LARP4B: variants seen among roughly 807,000 people sequenced by gnomAD.
LARP4B encodes La ribonucleoprotein 4B.
In LARP4B, 12 loss-of-function variants were observed where a neutral mutation model predicts 89.8. The observed-to-expected ratio is 0.13, with a 90% CI of 0.09 to 0.22. The LOEUF (loss-of-function observed/expected upper bound fraction) is 0.22. Among genes scored for constraint, LARP4B ranks in the 10% least tolerant of loss-of-function variants. The pLI is 1.00. For synonymous variants in LARP4B, 367 were observed against 363.3 expected (o/e 1.01, Z -0.12); for missense variants, 757 against 947.7 (o/e 0.80, Z 2.64).
chr10:898,086 T>C (rs564984931), intron 1 of LARP4B, among the ~76,000 whole-genome samples: 1 of 150,796 alleles, frequency 6.6e-6, no homozygotes, highest in Non-Finnish European at 1.5e-5. Flanking sequence ...GAAAAGATCG[T>C]CCACATCATT....
chr10:926,475 C>A (rs750859705), intron 1 of LARP4B, among the ~76,000 whole-genome samples: 2 of 152,048 alleles, frequency 1.3e-5, no homozygotes, highest in Non-Finnish European at 2.9e-5. Context: ...AAAGGTGGGG[C>A]AGGGCAAGAA....
At chr10:983,731 G>A in the LARP4B span, among the ~76,000 whole-genome samples, 1 of 152,150 alleles carries the variant, frequency 6.6e-6, no homozygotes, top group Non-Finnish European at 1.5e-5. Flanking sequence ...CTGGGAGACA[G>A]GGCTTTCACG....
Position 812,849 on chromosome 10 carries a change from C to T in LARP4B, c.*77G>A, listed in dbSNP as rs1479461469. The T allele has an allele frequency of 5.3e-6, 7 of 1,315,038 alleles. No homozygotes were observed. Among genetic ancestry groups the T allele is most frequent in the African/African-American group, 1.5e-5 (1 of 66,104 alleles). The allele number at this position is 1,315,038 out of a possible 1,614,324, so 81.5% of individuals were successfully genotyped here. A position where few individuals can be genotyped will look rare whatever the true frequency, so the allele number is the denominator to read the frequency against. ...CACTGCAAGCTCCTAACCAGCGGCT[C>T]GCCCTCGCACTGAGTGGGAGAGTGT... On this transcript the variant is annotated 3_prime_UTR_variant, in exon 18 of 18. Transcript: ENST00000316157.
the LARP4B span, among the ~76,000 whole-genome samples, chr10:977,718 TC>T: frequency 3.9e-5 from 6 of 152,212 alleles, no homozygotes; most frequent in African/African-American, 1.4e-4. Flanking sequence ...GTATTATAAA[TC>T]ACCTAGAGAT....
chr10:853,950 C>T (rs1437861101), intron 5 of LARP4B, among the ~76,000 whole-genome samples: 2 of 152,200 alleles, frequency 1.3e-5, no homozygotes, highest in Non-Finnish European at 2.9e-5. Context: ...GGACTTCTTT[C>T]AAAATTAGTC....
chr10:808,222 T>A (rs1831620451), downstream of LARP4B: 1 of 152,234 alleles, frequency 6.6e-6, no homozygotes, highest in African/African-American at 2.4e-5. Context: ...CAGGGTTTGT[T>A]ATGTGGCAAC....
intron 1 of LARP4B, among the ~76,000 whole-genome samples, chr10:918,626 C>T (rs1048834497): frequency 3.8e-5 from 5 of 131,240 alleles, no homozygotes; most frequent in African/African-American, 1.5e-4. Context: ...GAGTGAGACC[C>T]TGTCTCAAAA....
chr10:844,884 T>C, intron 6 of LARP4B, 93 bp downstream of exon 6: 1 of 864,116 alleles, frequency 1.2e-6, no homozygotes, highest in Admixed American at 2.4e-5. Context: ...TATGAGTAGA[T>C]ACTCCTTCAT....
At chr10:941,418 ATTCTCCTTCCTCAGCC>A in the LARP4B span, among the ~76,000 whole-genome samples, 1 of 152,036 alleles carries the variant, frequency 6.6e-6, no homozygotes, top group African/African-American at 2.4e-5. Flanking sequence ...GGTTCAAGCG[ATTCTCCTTCCTCAGCC>A]TCCTGAGTAG....
intron 1 of LARP4B, among the ~76,000 whole-genome samples, chr10:927,561 A>G (rs2132063928): frequency 6.6e-6 from 1 of 152,206 alleles, no homozygotes; most frequent in East Asian, 1.9e-4. Context: ...AAAAGTTTAA[A>G]CTGAACTAAA....
At position 915,372 on chromosome 10, in the gene LARP4B, TATA is replaced by T. The variant is rs577177012; in HGVS notation, c.-40+16053_-40+16055del. ...TTTTCTCTTTTGAACAAGATGTTCA[TATA>T]ATATTAATGAGGATAACAAAAGACT... On this transcript the variant is annotated intron_variant, in intron 1 of 17. Coordinates refer to ENST00000316157, the MANE Select transcript of LARP4B (RefSeq NM_015155.3). Among the ~76,000 whole-genome samples the T allele has an allele frequency of 2.6e-5, 4 of 152,312 alleles. No homozygotes were observed. The East Asian group carries it at 5.8e-4, about 22-fold the overall frequency.
intron 11 of LARP4B, among the ~76,000 whole-genome samples, chr10:827,698 T>C (rs117810021): frequency 2.6e-5 from 4 of 151,784 alleles, no homozygotes; most frequent in African/African-American, 9.7e-5. Flanking sequence ...GGGTCAACCA[T>C]GATTAAAGAA....
rs1024396017 is a variant in LARP4B at position 820,935 on chromosome 10, A to T, written c.1485-90T>A. ...GTTTGCACTCACATAATCAAAGTACACATCAATTCAGTCTTTATCACTTTG... is the reference window on the plus strand; with the variant it reads ...GTTTGCACTCACATAATCAAAGTACTCATCAATTCAGTCTTTATCACTTTG... On this transcript the variant is annotated intron_variant, in intron 13 of 17. Transcript: ENST00000316157. 2.8e-6 allele frequency: 3 copies of T among 1,084,590 alleles called. No homozygotes were observed. The African/African-American group carries it at 4.7e-5, about 17-fold the overall frequency. 67.2% of individuals were successfully genotyped at this position (1,084,590 alleles called of 1,614,324 possible). A position where few individuals can be genotyped will look rare whatever the true frequency, so the allele number is the denominator to read the frequency against.
intron 8 of LARP4B, among the ~76,000 whole-genome samples, chr10:833,249 T>TAAAAAAAAAAAAAAAAAA (rs56788542): frequency 3.8e-5 from 2 of 52,038 alleles, no homozygotes; most frequent in Admixed American, 6.2e-4. Context: ...TGATGAGCTT[T>TAAAAAAAAAAAAAAAAAA]AAAAAAAAAA....
chr10:838,230 C>T (rs1833332272), intron 7 of LARP4B, among the ~76,000 whole-genome samples: 1 of 152,084 alleles, frequency 6.6e-6, no homozygotes, highest in Non-Finnish European at 1.5e-5. Flanking sequence ...TTGGGTCTGA[C>T]AATAACTTCT....
intron 11 of LARP4B, among the ~76,000 whole-genome samples, chr10:827,221 A>G (rs1462719648): frequency 3.3e-5 from 5 of 152,036 alleles, no homozygotes; most frequent in Non-Finnish European, 7.4e-5. Context: ...GCTTGCAGTG[A>G]GCCAAGATCC....
intron 1 of LARP4B, among the ~76,000 whole-genome samples, chr10:913,473 G>C (rs530574695): frequency 6.6e-6 from 1 of 152,088 alleles, no homozygotes; most frequent in Non-Finnish European, 1.5e-5. Flanking sequence ...GTAGATCTTT[G>C]GTAAATAAAG....
Position 892,427 on chromosome 10 carries a change from AAC to A in LARP4B, c.-39-6669_-39-6668del, listed in dbSNP as rs1429674828. On this transcript the variant is annotated intron_variant, in intron 1 of 17. Coordinates refer to ENST00000316157, the MANE Select transcript of LARP4B (RefSeq NM_015155.3). ...ACCAGAAATGTTTATTGCATGATTA[AAC>A]AGTTATTATGGTCTTTCTAGACACA... Among the ~76,000 whole-genome samples the A allele has an allele frequency of 3.9e-5, 6 of 152,244 alleles. No homozygotes were observed. The South Asian group carries it at 1.2e-3, about 31-fold the overall frequency.
chr10:926,743 T>C (rs529773543), intron 1 of LARP4B, among the ~76,000 whole-genome samples: 5 of 152,360 alleles, frequency 3.3e-5, no homozygotes, highest in African/African-American at 9.6e-5. Flanking sequence ...CTTTCAAATT[T>C]GTGTTAAACA....
Sources: gnomAD v4.1 joint callset for allele counts (sites outside exome capture counted in the v4.1 genomes callset) on GRCh38, gnomAD v4.1.1 for gene constraint, MANE v1.5 for transcripts, NCBI Gene and HGNC (gene_info 2026-07-23, HGNC 2026-07-21) for gene names.